The following ZNF496 variants were observed in gnomAD, a reference collection of about 807,000 sequenced individuals.
ZNF496 encodes NSD1 (nuclear receptor binding SET-domain containing 1)-interacting zinc finger protein 1.
In ZNF496, 11 loss-of-function variants were observed where a neutral mutation model predicts 58.9. The observed-to-expected ratio is 0.19, with a 90% CI of 0.12 to 0.31. The LOEUF (loss-of-function observed/expected upper bound fraction) is 0.31. ZNF496 is among the 10% of genes least tolerant of loss of function. ZNF496 has a pLI of 1.00. For synonymous variants in ZNF496, 338 were observed against 318.2 expected (o/e 1.06, Z -0.66); for missense variants, 660 against 783.0 (o/e 0.84, Z 1.88).
chr1:247,306,604 C>T (rs750802016), intron 9 of ZNF496, among the ~76,000 whole-genome samples: 1 of 151,162 alleles, frequency 6.6e-6, no homozygotes, highest in Non-Finnish European at 1.5e-5. Context: ...CAGGTTCAAG[C>T]GATTCTCCTG....
At chr1:247,319,599 G>C (rs1659892231) in intron 6 of ZNF496, among the ~76,000 whole-genome samples, 1 of 152,148 alleles carries the variant, frequency 6.6e-6, no homozygotes, top group Non-Finnish European at 1.5e-5. Flanking sequence ...ACAGTAACTG[G>C]CAGAGTAGAT....
intron 6 of ZNF496, chr1:247,313,865 T>C (rs557508337): frequency 6.6e-5 from 10 of 152,248 alleles, no homozygotes; most frequent in Non-Finnish European, 1.5e-4. Context: ...TCAAAGTGTG[T>C]TGTTGCAGGA....
chr1:247,330,476 C>CA (rs1572099362), intron 2 of ZNF496, among the ~76,000 whole-genome samples: 1 of 152,234 alleles, frequency 6.6e-6, no homozygotes. Flanking sequence ...GCTCAGCCCT[C>CA]AAAGAACCCC....
chr1:247,328,793 G>C lies in ZNF496; in HGVS notation c.464C>G (p.Pro155Arg). ...TGCAAGGTCGCTGTGGGGCTCTACC[G>C]GCAGCTGCTCCTGCTCCTGGTCCAG... ...SPLDQEQEQLPVEPHSDLAKN... is the reference protein window; with the variant it reads ...SPLDQEQEQLRVEPHSDLAKN... Residue 155 changes from proline to arginine, a missense_variant, in exon 5 of 10, where the codon CCG (proline) becomes CGG (arginine). Pro to Arg is a moderately radical substitution (Grantham distance 103). Transcript: ENST00000682384. 1 of 1,613,618 alleles carries C rather than the reference G, an allele frequency of 6.2e-7. No individual in the cohort carries two copies. The highest frequency in any genetic ancestry group is 2.2e-5 in the East Asian group (1 of 44,828).
chr1:247,304,528 C>T (rs149711367), intron 9 of ZNF496, among the ~76,000 whole-genome samples: 3,113 of 152,204 alleles, frequency 0.02, 38 homozygotes, highest in Non-Finnish European at 0.032. Flanking sequence ...TGTGCCACCA[C>T]GTCTGGCTAA....
chr1:247,314,703 T>C (rs1222671839), intron 6 of ZNF496, among the ~76,000 whole-genome samples: 3 of 152,210 alleles, frequency 2.0e-5, no homozygotes, highest in Admixed American at 6.5e-5. Context: ...TCCCCGGGTG[T>C]TGGGGCCAGG....
At chr1:247,305,125 G>A (rs190331075) in intron 9 of ZNF496, among the ~76,000 whole-genome samples, 5 of 152,254 alleles carry the variant, frequency 3.3e-5, no homozygotes, top group Admixed American at 2.6e-4. Context: ...ATGTAATTAA[G>A]TGAACATGAC....
At chr1:247,311,406 A>T (rs1221115488) in intron 6 of ZNF496, 1 of 136,754 alleles carries the variant, frequency 7.3e-6, no homozygotes, top group African/African-American at 2.7e-5. Context: ...TCTTAAAAAA[A>T]AAAAAACAAA....
Position 247,300,970 on chromosome 1 carries a change from G to A in ZNF496, c.1313C>T (p.Ser438Leu), listed in dbSNP as rs575724088. Residue 438 changes from serine (S) to leucine (L), a missense_variant, in exon 10 of 10, where the codon TCG (serine) becomes TTG (leucine). By Grantham distance (145) the Ser-to-Leu change is moderately radical. Transcript: ENST00000682384. This position sits in a 1 kb window ranked among gnomAD's most constrained non-coding sequence, Gnocchi z 5.7. The stretch of plus-strand genomic sequence containing the variant: ...GTCGCTGAACAGCTCCCCGCACACC[G>A]AGCACTCGTGCGGCTTCTCCTGCTC... Reference protein sequence around the residue: ...RREQEKPHECSVCGELFSDSE... With the variant: ...RREQEKPHECLVCGELFSDSE... 7.4e-6 allele frequency: 12 copies of A among 1,613,856 alleles called. No homozygotes were observed. The highest frequency in any genetic ancestry group is 5.5e-5 in the South Asian group (5 of 91,086).
rs1659164695 is a variant in ZNF496, at chr1:247,299,304, CGCA to C, written c.*1212_*1214del. On this transcript the variant is annotated 3_prime_UTR_variant, in exon 10 of 10. Transcript: ENST00000682384. ...ACAAAGGGAGGTTTGGAGACAGACA[CGCA>C]CACAGCAAGAGTGCCATGTGGAGAT... The C allele has an allele frequency of 6.6e-6, 1 of 152,172 alleles. No individual in the cohort carries two copies. The highest frequency in any genetic ancestry group is 6.5e-5 in the Admixed American group (1 of 15,274). The allele number at this position is 152,172 out of a possible 1,614,324, so 9.4% of individuals were successfully genotyped here.
At chr1:247,303,903 C>T in intron 9 of ZNF496, 1 of 177,114 alleles carries the variant, frequency 5.6e-6, no homozygotes, top group South Asian at 9.0e-5. Flanking sequence ...TTCACGGATC[C>T]AATCAACCAT....
rs754694981 is a variant in ZNF496, at chr1:247,309,756, G to A, written c.835C>T (p.Arg279Cys). 9.9e-6 allele frequency: 16 copies of A among 1,614,056 alleles called. No homozygotes were observed. Among genetic ancestry groups the A allele is most frequent in the Admixed American group, 5.0e-5 (3 of 59,988 alleles). ...DLSQGEENEP[R>C]VPELQDLQGK... is the part of the protein sequence containing the mutation. ...TGGAGATCCTGCAACTCTGGAACGC[G>A]TGGCTCATTCTCCTCTCCCTGGGAG... The change falls in exon 8 of 10, where the codon CGC (arginine) becomes TGC (cysteine). Residue 279 changes from arginine (R) to cysteine (C), a missense_variant. Coordinates refer to ENST00000682384, the MANE Select transcript of ZNF496 (RefSeq NM_032752.3). The surrounding 1 kb of genome is among the most constrained non-coding windows in gnomAD (Gnocchi z 4.3).
chr1:247,328,477 C>A (rs1022573459), intron 5 of ZNF496, among the ~76,000 whole-genome samples: 3 of 152,196 alleles, frequency 2.0e-5, no homozygotes, highest in African/African-American at 7.2e-5. Flanking sequence ...GCTCTAGAAC[C>A]ATGAAGAGGA....
At chr1:247,307,656 G>A (rs944282786) in intron 9 of ZNF496, 3 of 985,250 alleles carry the variant, frequency 3.0e-6, no homozygotes, top group Admixed American at 6.2e-5. Context: ...TGCATGAAAG[G>A]GGGCCAAGTA....
In ZNF496 at chr1:247,308,347, C is replaced by T. The variant is rs1179565812; in HGVS notation, c.1006+128G>A. 7 of 845,202 alleles carry T rather than the reference C, an allele frequency of 8.3e-6. No homozygotes were observed. Among genetic ancestry groups the T allele is most frequent in the Non-Finnish European group, 1.4e-5 (7 of 507,332 alleles). The allele number at this position is 845,202 out of a possible 1,614,324, so 52.4% of individuals were successfully genotyped here. A position where few individuals can be genotyped will look rare whatever the true frequency, so the allele number is the denominator to read the frequency against. On this transcript the variant is annotated intron_variant, in intron 9 of 9. Coordinates refer to ENST00000682384, the MANE Select transcript of ZNF496 (RefSeq NM_032752.3). This position sits in a 1 kb window ranked among gnomAD's most constrained non-coding sequence, Gnocchi z 4.5. ...TCACACATGCAGCACACCACATATA[C>T]CACATGTGTATGCACGCACACATGC...
chr1:247,304,314 G>A (rs1659337271), intron 9 of ZNF496, among the ~76,000 whole-genome samples: 1 of 151,854 alleles, frequency 6.6e-6, no homozygotes, highest in African/African-American at 2.4e-5. Flanking sequence ...GGAGAACAGA[G>A]AACTGAGCCA....
intron 9 of ZNF496, among the ~76,000 whole-genome samples, chr1:247,302,132 T>A (rs1228348980): frequency 6.6e-6 from 1 of 152,042 alleles, no homozygotes; most frequent in Non-Finnish European, 1.5e-5. Flanking sequence ...TCCTCACTGC[T>A]GTGAAATGTA....
At chr1:247,315,375 C>T (rs1055247868) in intron 6 of ZNF496, among the ~76,000 whole-genome samples, 3 of 152,024 alleles carry the variant, frequency 2.0e-5, no homozygotes, top group Non-Finnish European at 4.4e-5. Flanking sequence ...TCACCTATCA[C>T]GATATTCCAC....
rs1033534145 is a variant in ZNF496 at position 247,307,858 on chromosome 1, TG to T, written c.1006+616del. 9 of 985,322 alleles carry T rather than the reference TG, an allele frequency of 9.1e-6. No homozygotes were observed. The African/African-American group carries it at 1.0e-4, about 11-fold the overall frequency. 61.0% of individuals were successfully genotyped at this position (985,322 alleles called of 1,614,324 possible). On this transcript the variant is annotated intron_variant, in intron 9 of 9. Transcript: ENST00000682384. Reference sequence around the variant, plus strand: ...ATGGCAGTATTGTAGCCTCTGCTTCTGGAAGTGGTGACTTTTACCAAGACGA... The same window carrying T: ...ATGGCAGTATTGTAGCCTCTGCTTCTGAAGTGGTGACTTTTACCAAGACGA...
Sources: gnomAD v4.1 joint callset for allele counts (sites outside exome capture counted in the v4.1 genomes callset) on GRCh38, gnomAD v4.1.1 for gene constraint, Gnocchi (gnomAD v3.1) non-coding constraint, MANE v1.5 for transcripts, NCBI Gene and HGNC (gene_info 2026-07-23, HGNC 2026-07-21) for gene names.